Variants in AFDN observed in about 807,000 individuals in gnomAD.
AFDN encodes the protein afadin, adherens junction formation factor.
Under a neutral mutation model 216.6 loss-of-function variants are expected in AFDN, and 68 were observed. That is an observed-to-expected ratio of 0.31 (90% CI 0.26 to 0.38). The LOEUF (loss-of-function observed/expected upper bound fraction) is 0.38, where lower values mean the gene tolerates loss of function less well. Among genes scored for constraint, AFDN ranks in the 10% least tolerant of loss-of-function variants. AFDN has a pLI of 1.00. For synonymous variants in AFDN, 868 were observed against 853.7 expected (o/e 1.02, Z -0.29); for missense variants, 2,136 against 2,342.0 (o/e 0.91, Z 1.82).
intron 12 of AFDN, among the ~76,000 whole-genome samples, chr6:167,906,278 G>A (rs904415227): frequency 1.3e-5 from 2 of 152,110 alleles, no homozygotes; most frequent in Admixed American, 6.5e-5. Context: ...GCCATTACAA[G>A]TCTGTAATAT....
At chr6:167,963,470 A>G (rs1036967663) in intron 31 of AFDN, 9 of 1,053,200 alleles carry the variant, frequency 8.5e-6, no homozygotes, top group African/African-American at 6.6e-5. Flanking sequence ...AACTATATTA[A>G]TAGAACAGTG....
At chr6:167,870,890 C>T (rs1312854742) in intron 3 of AFDN, among the ~76,000 whole-genome samples, 1 of 151,848 alleles carries the variant, frequency 6.6e-6, no homozygotes, top group African/African-American at 2.4e-5. Context: ...TCATTTAAAA[C>T]GTTTTCATTA....
rs77581183 is a variant in AFDN at position 167,915,259 on chromosome 6, C to A, written c.2391C>A (p.Leu797=). 2 of 1,614,256 alleles carry A rather than the reference C, an allele frequency of 1.2e-6. No homozygotes were observed. The highest frequency in any genetic ancestry group is 1.7e-6 in the Non-Finnish European group (2 of 1,180,048). Residue 797 remains leucine, a synonymous_variant, in exon 19 of 34, where the codon CTC becomes CTA. Coordinates refer to ENST00000683244, the MANE Select transcript of AFDN (RefSeq NM_001386888.1). ...TGACCATCCAGCTCTTCTCTCAGCT[C>A]TTCCACTTCATCAATATGTGGCTGT... ...AALTIQLFSQ[L]FHFINMWLFN... is the part of the protein sequence containing the mutation.
rs1488378824 is a variant in AFDN, at chr6:167,915,221, G to T, written c.2353G>T (p.Val785Phe). ...GAMSLLRRCRVNAALTIQLFS... is the reference protein window; with the variant it reads ...GAMSLLRRCRFNAALTIQLFS... The stretch of plus-strand genomic sequence containing the variant: ...CATGTCCTTGCTACGACGCTGCAGA[G>T]TCAATGCCGCCCTGACCATCCAGCT... The change falls in exon 19 of 34, where the codon GTC becomes TTC. Residue 785 changes from valine (V) to phenylalanine (F), a missense_variant. Coordinates refer to ENST00000683244, the MANE Select transcript of AFDN (RefSeq NM_001386888.1). 1.2e-6 allele frequency: 2 copies of T among 1,614,118 alleles called. No individual in the cohort carries two copies. The highest frequency in any genetic ancestry group is 2.7e-5 in the African/African-American group (2 of 74,936).
intron 5 of AFDN, among the ~76,000 whole-genome samples, chr6:167,879,806 A>C (rs1193616335): frequency 6.6e-6 from 1 of 152,200 alleles, no homozygotes; most frequent in Non-Finnish European, 1.5e-5. Flanking sequence ...TCTGTTGGCA[A>C]ATCTCTTTTG....
chr6:167,882,644 C>T (rs1289955222), intron 6 of AFDN, among the ~76,000 whole-genome samples: 3 of 151,930 alleles, frequency 2.0e-5, no homozygotes, highest in East Asian at 1.9e-4. Flanking sequence ...GACTCTGTCT[C>T]AAAAACAAAC....
At position 167,962,450 on chromosome 6, in the gene AFDN, G is replaced by A; in HGVS notation, c.4851G>A (p.Arg1617=). The change falls in exon 31 of 34, where the codon CGG becomes CGA. Residue 1617 remains arginine, a synonymous_variant. Coordinates refer to ENST00000683244, the MANE Select transcript of AFDN (RefSeq NM_001386888.1). This position sits in a 1 kb window ranked among gnomAD's most constrained non-coding sequence, Gnocchi z 5.2. ...ERRARLQDEE[R]RRQQQLEEMR... ...GTTGTTAGTTGCAGGACGAGGAGCG[G>A]AGGCGGCAGCAGCAGTTAGAAGAGA... is the stretch of plus-strand genomic sequence containing the variant. 6.2e-7 allele frequency: 1 copy of A among 1,613,776 alleles called. No individual in the cohort carries two copies. The highest frequency in any genetic ancestry group is 8.5e-7 in the Non-Finnish European group (1 of 1,179,838).
chr6:167,953,166 GGCCAGA>G (rs1796176951), intron 30 of AFDN, among the ~76,000 whole-genome samples: 1 of 152,008 alleles, frequency 6.6e-6, no homozygotes, highest in Non-Finnish European at 1.5e-5. Context: ...GAGAAAAGAT[GGCCAGA>G]GCCATGTTCT....
intron 6 of AFDN, among the ~76,000 whole-genome samples, chr6:167,886,370 G>A (rs1195670514): frequency 6.6e-6 from 1 of 152,164 alleles, no homozygotes; most frequent in Non-Finnish European, 1.5e-5. Flanking sequence ...GATAAACAGT[G>A]TCATGAACTA....
chr6:167,969,345 A>G (rs1797859176), intron 33 of AFDN, 147 bp downstream of exon 33: 3 of 666,952 alleles, frequency 4.5e-6, no homozygotes, highest in Admixed American at 2.6e-5. Flanking sequence ...TATTGCCCCA[A>G]GTGTTCTTAA....
intron 31 of AFDN, chr6:167,964,062 A>T: frequency 1.9e-6 from 2 of 1,064,372 alleles, no homozygotes; most frequent in Non-Finnish European, 2.3e-6. Context: ...GGACCAGGCC[A>T]TGTTTTTCCT....
chr6:167,865,206 T>C (rs1237482960), intron 2 of AFDN, among the ~76,000 whole-genome samples: 1 of 152,208 alleles, frequency 6.6e-6, no homozygotes, highest in African/African-American at 2.4e-5. Context: ...TCTTTGGGAA[T>C]AATTTAGGGT....
In AFDN at chr6:167,851,465, C is replaced by T. The variant is rs575375999; in HGVS notation, c.106-13086C>T. ...CTCCAGTGGGTCCCAATGTGTTGTT[C>T]GCCTCTATGCACACCCACCTTTTCA... On this transcript the variant is annotated intron_variant, in intron 1 of 33. Coordinates refer to ENST00000683244, the MANE Select transcript of AFDN (RefSeq NM_001386888.1). 6.6e-5 allele frequency among the ~76,000 whole-genome samples: 10 copies of T among 152,240 alleles called. No homozygotes were observed. In the South Asian group the frequency reaches 1.9e-3, roughly 28 times the overall value.
chr6:167,845,461 G>T (rs765616320), intron 1 of AFDN, among the ~76,000 whole-genome samples: 1 of 151,800 alleles, frequency 6.6e-6, no homozygotes. Context: ...GCAATGGCGC[G>T]ATCTTGGCTC....
intron 1 of AFDN, among the ~76,000 whole-genome samples, chr6:167,859,809 G>A (rs1783337504): frequency 6.9e-6 from 1 of 144,320 alleles, no homozygotes; most frequent in Non-Finnish European, 1.5e-5. Flanking sequence ...TTGGATCATT[G>A]TATTCTTTTG....
At chr6:167,883,788 C>T (rs572214658) in intron 6 of AFDN, among the ~76,000 whole-genome samples, 11 of 152,306 alleles carry the variant, frequency 7.2e-5, no homozygotes, top group Non-Finnish European at 1.6e-4. Flanking sequence ...CACTGACTGA[C>T]CAGGGTGGTG....
chr6:167,831,756 C>T (rs865891736), intron 1 of AFDN, among the ~76,000 whole-genome samples: 1 of 151,996 alleles, frequency 6.6e-6, no homozygotes, highest in African/African-American at 2.4e-5. Flanking sequence ...GCTTAAGAAA[C>T]GTTTATGATT....
At chr6:167,957,595 G>T (rs890190496) in intron 30 of AFDN, among the ~76,000 whole-genome samples, 7 of 152,202 alleles carry the variant, frequency 4.6e-5, no homozygotes, top group African/African-American at 1.7e-4. Context: ...GAAGCCCATT[G>T]TGTCGTTAGG....
intron 1 of AFDN, among the ~76,000 whole-genome samples, chr6:167,856,904 A>T (rs779058686): frequency 2.0e-5 from 3 of 152,136 alleles, no homozygotes; most frequent in African/African-American, 7.2e-5. Context: ...GCTTTTGTAC[A>T]TATTTATAAA....
Sources: gnomAD v4.1 joint callset for allele counts (sites outside exome capture counted in the v4.1 genomes callset) on GRCh38, gnomAD v4.1.1 for gene constraint, Gnocchi (gnomAD v3.1) non-coding constraint, MANE v1.5 for transcripts, NCBI Gene and HGNC (gene_info 2026-07-23, HGNC 2026-07-21) for gene names.